GRM8: variants seen among roughly 807,000 people sequenced by gnomAD.
GRM8 encodes the protein metabotropic glutamate receptor 8.
Under a neutral mutation model 87.2 loss-of-function variants are expected in GRM8, and 47 were observed. The observed-to-expected ratio is 0.54, with a 90% CI of 0.43 to 0.69. The LOEUF (loss-of-function observed/expected upper bound fraction) is 0.69. Among genes scored for constraint, GRM8 ranks in the 30% least tolerant of loss-of-function variants. GRM8 has a pLI of 0.00. For missense variants in GRM8, 1,019 were observed against 1,139.2 expected (o/e 0.89, Z 1.52); for synonymous variants, 396 against 404.5 (o/e 0.98, Z 0.25).
intron 3 of GRM8, among the ~76,000 whole-genome samples, chr7:126,966,641 T>C (rs1319399036): frequency 6.6e-6 from 1 of 152,212 alleles, no homozygotes; most frequent in Non-Finnish European, 1.5e-5. Flanking sequence ...TGTTTTATTC[T>C]AATAGCAAAA....
intron 1 of GRM8, among the ~76,000 whole-genome samples, chr7:127,244,176 G>A (rs1158887410): frequency 2.0e-5 from 3 of 152,186 alleles, no homozygotes; most frequent in Non-Finnish European, 4.4e-5. Flanking sequence ...AAGGTGACAT[G>A]TGAAGATATT....
At chr7:127,198,101 T>C (rs544148093) in intron 2 of GRM8, among the ~76,000 whole-genome samples, 74 of 152,306 alleles carry the variant, frequency 4.9e-4, no homozygotes, top group African/African-American at 1.8e-3. Context: ...TTGATATAAT[T>C]GTACAAATTT....
chr7:126,448,939 G>C (rs867677707), intron 9 of GRM8, among the ~76,000 whole-genome samples: 2 of 151,672 alleles, frequency 1.3e-5, no homozygotes, highest in African/African-American at 2.4e-5. Context: ...ACAGGTACTA[G>C]GCTTAATACA....
At chr7:127,100,105 C>G (rs79977563) in intron 3 of GRM8, among the ~76,000 whole-genome samples, 2 of 152,134 alleles carry the variant, frequency 1.3e-5, no homozygotes, top group Non-Finnish European at 1.5e-5. Flanking sequence ...ATTTCAGAAG[C>G]AACCACCTTA....
intron 6 of GRM8, among the ~76,000 whole-genome samples, chr7:126,783,818 T>G (rs1820349739): frequency 6.6e-6 from 1 of 152,150 alleles, no homozygotes; most frequent in Admixed American, 6.6e-5. Context: ...AGATCCAAGA[T>G]GAGGTAAGTG....
chr7:126,725,944 G>T (rs868219517), intron 7 of GRM8, among the ~76,000 whole-genome samples: 2 of 152,110 alleles, frequency 1.3e-5, no homozygotes. Flanking sequence ...ATTCATGAGG[G>T]ATCTGCCCCC....
intron 8 of GRM8, among the ~76,000 whole-genome samples, chr7:126,602,833 T>C (rs1797951648): frequency 6.9e-6 from 1 of 144,966 alleles, no homozygotes; most frequent in Non-Finnish European, 1.5e-5. Context: ...CCATTCCTTC[T>C]GAAACTATTC....
In GRM8 at chr7:126,438,902, A is replaced by G; in HGVS notation, c.*217T>C. The G allele has an allele frequency of 2.2e-6, 1 of 454,258 alleles. No homozygotes were observed. The highest frequency in any genetic ancestry group is 4.3e-5 in the South Asian group (1 of 23,046). 28.1% of individuals were successfully genotyped at this position (454,258 alleles called of 1,614,324 possible). ...ACTGCTCATGAATAAGCAATACTTT[A>G]GCTTGACACTCATTGGTTTTATTGT... On this transcript the variant is annotated 3_prime_UTR_variant, in exon 11 of 11. Transcript: ENST00000339582.
chr7:126,565,106 CAGT>C (rs1332472784), intron 8 of GRM8, among the ~76,000 whole-genome samples: 15 of 152,112 alleles, frequency 9.9e-5, no homozygotes, highest in Non-Finnish European at 1.8e-4. Flanking sequence ...ACATCACACT[CAGT>C]GGTGAAAAGT....
At chr7:126,489,077 G>C (rs976093917) in intron 9 of GRM8, among the ~76,000 whole-genome samples, 2 of 151,852 alleles carry the variant, frequency 1.3e-5, no homozygotes, top group Non-Finnish European at 2.9e-5. Flanking sequence ...CCTAGGCTAG[G>C]AAATAGAAGA....
At chr7:126,701,977 GAAC>G (rs1419156533) in intron 7 of GRM8, 1 of 308,728 alleles carries the variant, frequency 3.2e-6, no homozygotes, top group Non-Finnish European at 6.6e-6. Flanking sequence ...GTCCCTATTT[GAAC>G]AACAAGTTAT....
At chr7:126,682,444 CA>C (rs1367896305) in intron 7 of GRM8, among the ~76,000 whole-genome samples, 1 of 152,182 alleles carries the variant, frequency 6.6e-6, no homozygotes, top group East Asian at 1.9e-4. Flanking sequence ...GATGAGAAAA[CA>C]GCTGCTTAGA....
At chr7:127,199,305 C>T (rs1795465543) in intron 2 of GRM8, among the ~76,000 whole-genome samples, 1 of 152,230 alleles carries the variant, frequency 6.6e-6, no homozygotes, top group African/African-American at 2.4e-5. Context: ...TGCTAATGCA[C>T]AGCCAATTGA....
chr7:126,784,888 A>C (rs1389320544), intron 6 of GRM8, among the ~76,000 whole-genome samples: 1 of 152,204 alleles, frequency 6.6e-6, no homozygotes, highest in Non-Finnish European at 1.5e-5. Flanking sequence ...AATAAAGAAC[A>C]TGCCCACGTA....
intron 8 of GRM8, among the ~76,000 whole-genome samples, chr7:126,548,434 G>A (rs1817415545): frequency 6.6e-6 from 1 of 151,850 alleles, no homozygotes; most frequent in Non-Finnish European, 1.5e-5. Context: ...AACCAAAACA[G>A]AAACACTAAG....
intron 7 of GRM8, among the ~76,000 whole-genome samples, chr7:126,747,104 T>C (rs1004789307): frequency 6.6e-6 from 1 of 151,942 alleles, no homozygotes; most frequent in Non-Finnish European, 1.5e-5. Flanking sequence ...TATTACACTA[T>C]TTTCAACATA....
intron 3 of GRM8, chr7:127,058,036 T>C (rs1234524586): frequency 1.1e-5 from 4 of 365,742 alleles, no homozygotes; most frequent in Non-Finnish European, 2.3e-5. Flanking sequence ...TAAATAATTG[T>C]AGATTTGTTG....
chr7:126,509,610 C>A (rs1190723427), intron 9 of GRM8, among the ~76,000 whole-genome samples: 1 of 151,954 alleles, frequency 6.6e-6, no homozygotes, highest in East Asian at 1.9e-4. Flanking sequence ...GCCCCAGTAT[C>A]CCTTTGAGGT....
At chr7:127,171,433 T>A (rs1474531068) in intron 2 of GRM8, among the ~76,000 whole-genome samples, 3 of 152,224 alleles carry the variant, frequency 2.0e-5, no homozygotes, top group Non-Finnish European at 2.9e-5. Context: ...CAGCAAAGCA[T>A]GCTACAGAGA....
Sources: gnomAD v4.1 joint callset for allele counts (sites outside exome capture counted in the v4.1 genomes callset) on GRCh38, gnomAD v4.1.1 for gene constraint, MANE v1.5 for transcripts, NCBI Gene and HGNC (gene_info 2026-07-23, HGNC 2026-07-21) for gene names.